The following JADE3 variants were observed in gnomAD, a reference collection of about 807,000 sequenced individuals.
JADE3 encodes protein Jade-3.
JADE3 carries 2 observed loss-of-function variants against 50.1 expected under a neutral mutation model. The ratio of observed to expected loss-of-function variants is 0.04; its 90% CI spans 0.02 to 0.13. The LOEUF is 0.13. Ranked by LOEUF, JADE3 falls within the 10% of genes least tolerant of loss-of-function variation. JADE3 has a pLI of 1.00. For missense variants in JADE3, 475 were observed against 634.4 expected (o/e 0.75, Z 2.70); for synonymous variants, 218 against 232.9 (o/e 0.94, Z 0.58).
chrX:47,036,163 G>A (rs1001972280), intron 7 of JADE3, among the ~76,000 whole-genome samples: 1 of 111,198 alleles, frequency 9.0e-6, no homozygotes, highest in South Asian at 3.8e-4. Context: ...AACAGAAAAA[G>A]CATCCCTTTT....
chrX:46,930,411 C>A (rs1556339662), intron 1 of JADE3, among the ~76,000 whole-genome samples: 1 of 112,015 alleles, frequency 8.9e-6, no homozygotes, highest in Admixed American at 9.5e-5. Context: ...TGATTCTAGC[C>A]GAAATTGCTA....
chrX:46,949,661 C>G (rs1556344319), intron 1 of JADE3, among the ~76,000 whole-genome samples: 1 of 111,430 alleles, frequency 9.0e-6, no homozygotes, highest in Non-Finnish European at 1.9e-5. Flanking sequence ...CCACATAGCC[C>G]ACACCCTAAT....
intron 1 of JADE3, among the ~76,000 whole-genome samples, chrX:46,983,714 A>G (rs1556353638): frequency 9.0e-6 from 1 of 111,321 alleles, no homozygotes; most frequent in Non-Finnish European, 1.9e-5. Flanking sequence ...TTACTTTATG[A>G]ATTTTAGTAG....
At chrX:46,997,153 A>C (rs1928148746) in intron 3 of JADE3, among the ~76,000 whole-genome samples, 1 of 111,635 alleles carries the variant, frequency 9.0e-6, no homozygotes, top group South Asian at 3.8e-4. Flanking sequence ...TCTTTCCCAA[A>C]GATAGTAGTT....
rs559714459 is a variant in JADE3 at position 46,945,513 on chromosome X, C to G, written c.-12+32794C>G. ...ACAGCCCCCAGTGCTGCTGCTACCA[C>G]TGACTTGCTTGACTTCCCATTTGGC... is the stretch of plus-strand genomic sequence containing the variant. On this transcript the variant is annotated intron_variant, in intron 1 of 10. Transcript: ENST00000614628. 3.2e-3 allele frequency among the ~76,000 whole-genome samples: 361 copies of G among 111,434 alleles called. 1 individual carries two copies. The highest frequency in any genetic ancestry group is 0.011 in the African/African-American group (345 of 30,654).
intron 4 of JADE3, among the ~76,000 whole-genome samples, chrX:47,000,087 CAGGCTGTCCTACCCACAG>C (rs1172778991): frequency 9.9e-5 from 11 of 110,840 alleles, no homozygotes; most frequent in East Asian, 2.8e-4. Flanking sequence ...TCTAGAAACC[CAGGCTGTCCTACCCACAG>C]AGGCTGTCCT....
At chrX:46,954,668 C>T (rs1358491839) in intron 1 of JADE3, among the ~76,000 whole-genome samples, 4 of 111,535 alleles carry the variant, frequency 3.6e-5, no homozygotes, top group African/African-American at 6.5e-5. Flanking sequence ...TATTCTCCTA[C>T]CTCAGCCTCC....
intron 8 of JADE3, among the ~76,000 whole-genome samples, chrX:47,042,922 A>G (rs7876200): frequency 0.35 from 38,883 of 110,780 alleles, 7,908 homozygotes; most frequent in African/African-American, 0.77. Context: ...CTGGCTTTAG[A>G]TCTGACTGGG....
intron 3 of JADE3, among the ~76,000 whole-genome samples, chrX:46,988,890 A>G (rs1927920408): frequency 1.8e-5 from 2 of 112,350 alleles, no homozygotes; most frequent in Admixed American, 1.9e-4. Flanking sequence ...CTCAGGCTAG[A>G]GTGCAGTGGT....
chrX:47,022,655 A>T (rs1556364710), intron 4 of JADE3, among the ~76,000 whole-genome samples: 1 of 111,842 alleles, frequency 8.9e-6, no homozygotes, highest in Non-Finnish European at 1.9e-5. Flanking sequence ...TCATTATTTT[A>T]TGATGACATA....
At chrX:46,969,563 G>A (rs5905576) in intron 1 of JADE3, among the ~76,000 whole-genome samples, 17,608 of 111,798 alleles carry the variant, frequency 0.16, 1,210 homozygotes, top group East Asian at 0.37. Flanking sequence ...GTGGCAGGGC[G>A]CAGTGGCTCA....
In JADE3 at chrX:46,946,583, A is replaced by G. The variant is rs782799311; in HGVS notation, c.-12+33864A>G. ...GGGACTTGAGGTCACCTAGCTCTTG[A>G]GATCTGATCTGTATGAGCTAAGATG... On this transcript the variant is annotated intron_variant, in intron 1 of 10. Transcript: ENST00000614628. 2.7e-5 allele frequency among the ~76,000 whole-genome samples: 3 copies of G among 112,360 alleles called. No homozygotes were observed. The South Asian group carries it at 1.1e-3, about 42-fold the overall frequency.
intron 8 of JADE3, among the ~76,000 whole-genome samples, chrX:47,052,098 A>C (rs782816974): frequency 1.8e-5 from 2 of 111,667 alleles, no homozygotes; most frequent in Non-Finnish European, 3.8e-5. Flanking sequence ...AGTCTCAATC[A>C]ATCAGTCAGT....
chrX:46,988,755 T>C (rs2147132725), intron 3 of JADE3, among the ~76,000 whole-genome samples: 1 of 112,701 alleles, frequency 8.9e-6, no homozygotes, highest in East Asian at 2.8e-4. Context: ...GAAGGCAGCC[T>C]TTGAGGAATC....
At chrX:46,958,774 C>T (rs1427196303) in intron 1 of JADE3, among the ~76,000 whole-genome samples, 1 of 111,915 alleles carries the variant, frequency 8.9e-6, no homozygotes. Context: ...ATAATTATAT[C>T]TACCCCCATT....
intron 9 of JADE3, among the ~76,000 whole-genome samples, chrX:47,055,030 A>G (rs1334283967): frequency 1.8e-5 from 2 of 110,886 alleles, no homozygotes; most frequent in Non-Finnish European, 3.8e-5. Flanking sequence ...TGGACTGGAT[A>G]GTTGTTTGTT....
chrX:46,997,582 G>A (rs1243103575), intron 3 of JADE3, among the ~76,000 whole-genome samples: 1 of 111,689 alleles, frequency 9.0e-6, no homozygotes, highest in Non-Finnish European at 1.9e-5. Flanking sequence ...AAATTTGAAT[G>A]AATTCTATAC....
intron 1 of JADE3, among the ~76,000 whole-genome samples, chrX:46,932,743 A>T (rs1926524086): frequency 8.9e-6 from 1 of 111,739 alleles, no homozygotes; most frequent in Non-Finnish European, 1.9e-5. Context: ...CTTCACAGGA[A>T]TAATTTTGGA....
intron 1 of JADE3, among the ~76,000 whole-genome samples, chrX:46,942,594 G>A (rs1436618612): frequency 9.0e-6 from 1 of 111,588 alleles, no homozygotes; most frequent in Non-Finnish European, 1.9e-5. Context: ...ATCCTGTTTT[G>A]GTTATTGTAG....
Sources: gnomAD v4.1 joint callset for allele counts (sites outside exome capture counted in the v4.1 genomes callset) on GRCh38, gnomAD v4.1.1 for gene constraint, MANE v1.5 for transcripts, NCBI Gene and HGNC (gene_info 2026-07-23, HGNC 2026-07-21) for gene names.